PLA2G12A: variants seen among roughly 807,000 people sequenced by gnomAD.
The protein encoded by PLA2G12A is group XIIA secretory phospholipase A2.
Under a neutral mutation model 16.0 loss-of-function variants are expected in PLA2G12A, and 11 were observed. That is an observed-to-expected ratio of 0.69 (90% CI 0.43 to 1.13). PLA2G12A has a LOEUF of 1.13. Ranked by LOEUF, PLA2G12A falls within the 50% of genes most tolerant of loss-of-function variation. PLA2G12A has a pLI of 0.00. For synonymous variants in PLA2G12A, 77 were observed against 93.8 expected (o/e 0.82, Z 1.03); for missense variants, 214 against 237.3 (o/e 0.90, Z 0.65).
rs1205527744 is a variant in PLA2G12A, at chr4:109,713,955, CA to C, written c.*421del. On this transcript the variant is annotated 3_prime_UTR_variant, in exon 4 of 4. Coordinates refer to ENST00000243501, the MANE Select transcript of PLA2G12A (RefSeq NM_030821.5). ...TGTGTATTTAAAATTTCATAGTAAACAAATACTTGTAAGTGATAATTTCCCC... is the reference window on the plus strand; with the variant it reads ...TGTGTATTTAAAATTTCATAGTAAACAATACTTGTAAGTGATAATTTCCCC... 12 of 159,254 alleles carry C rather than the reference CA, an allele frequency of 7.5e-5. No individual in the cohort carries two copies. The highest frequency in any genetic ancestry group is 2.4e-4 in the Admixed American group (4 of 16,406). 9.9% of individuals were successfully genotyped at this position (159,254 alleles called of 1,614,324 possible).
intron 1 of PLA2G12A, among the ~76,000 whole-genome samples, chr4:109,726,694 G>C (rs1029138907): frequency 6.6e-6 from 1 of 152,138 alleles, no homozygotes; most frequent in African/African-American, 2.4e-5. Context: ...ATTTTTCAAA[G>C]GAAATCGAAA....
intron 1 of PLA2G12A, among the ~76,000 whole-genome samples, chr4:109,726,339 A>G (rs1326865762): frequency 1.3e-5 from 2 of 152,204 alleles, no homozygotes; most frequent in Admixed American, 6.5e-5. Context: ...GTTAATGGTA[A>G]TTCTGTCCTT....
intron 1 of PLA2G12A, among the ~76,000 whole-genome samples, chr4:109,727,200 T>A (rs578130754): frequency 1.3e-5 from 2 of 152,084 alleles, no homozygotes; most frequent in East Asian, 3.9e-4. Context: ...AACCTCCACC[T>A]CCCAGGTTCA....
intron 1 of PLA2G12A, among the ~76,000 whole-genome samples, chr4:109,720,633 A>ATG (rs1730921728): frequency 2.3e-5 from 3 of 130,404 alleles, no homozygotes; most frequent in African/African-American, 8.9e-5. Flanking sequence ...ATATATATAT[A>ATG]TATATATATA....
rs1041674033 is a variant in PLA2G12A, at chr4:109,718,536, T to G, written c.285+147A>C. On this transcript the variant is annotated intron_variant, in intron 2 of 3. Coordinates refer to ENST00000243501, the MANE Select transcript of PLA2G12A (RefSeq NM_030821.5). ...TTTACTTCATTTACTTTTGTTAGTT[T>G]TGCCAAAAAGAATCTAATAAACCTG... The G allele has an allele frequency of 8.4e-6, 5 of 598,742 alleles. No individual in the cohort carries two copies. The African/African-American group carries it at 9.7e-5, about 12-fold the overall frequency. 37.1% of individuals were successfully genotyped at this position (598,742 alleles called of 1,614,324 possible). A position where few individuals can be genotyped will look rare whatever the true frequency, so the allele number is the denominator to read the frequency against.
At chr4:109,727,822 A>G (rs1435272338) in intron 1 of PLA2G12A, among the ~76,000 whole-genome samples, 1 of 152,208 alleles carries the variant, frequency 6.6e-6, no homozygotes, top group Admixed American at 6.5e-5. Flanking sequence ...AAAAAATAAA[A>G]TAAAAAGACT....
In PLA2G12A at chr4:109,729,569, ACGAGCCCTCGCTGGGCC is replaced by A; in HGVS notation, c.208+16_208+32del. Reference sequence around the variant, plus strand: ...TCCGTCACCCCAATCCCCCGAAAGCACGAGCCCTCGCTGGGCCCGGGTGCCCCCTCACCGTCACTGCA... The same window carrying A: ...TCCGTCACCCCAATCCCCCGAAAGCACGGGTGCCCCCTCACCGTCACTGCA... On this transcript the variant is annotated intron_variant, in intron 1 of 3. Transcript: ENST00000243501. 6.3e-7 allele frequency: 1 copy of A among 1,593,934 alleles called. No individual in the cohort carries two copies. The highest frequency in any genetic ancestry group is 8.6e-7 in the Non-Finnish European group (1 of 1,166,536).
Position 109,729,811 on chromosome 4 carries a change from CGCGCAGCGCCGG to C in PLA2G12A, c.-14_-3del. ...CGCGGGGCGCGAGAGCAGGGCCATGCGCGCAGCGCCGGGCTCTACGGGTCCCCGAGCCGCGGC... is the reference window on the plus strand; with the variant it reads ...CGCGGGGCGCGAGAGCAGGGCCATGCGCTCTACGGGTCCCCGAGCCGCGGC... On this transcript the variant is annotated 5_prime_UTR_variant, in exon 1 of 4. Transcript: ENST00000243501. 6.5e-7 allele frequency: 1 copy of C among 1,548,760 alleles called. No homozygotes were observed. Among genetic ancestry groups the C allele is most frequent in the Non-Finnish European group, 8.7e-7 (1 of 1,146,676 alleles).
Position 109,713,242 on chromosome 4 carries a change from TC to T in PLA2G12A, c.*1134del, listed in dbSNP as rs879273712. 2 of 152,186 alleles carry T rather than the reference TC, an allele frequency of 1.3e-5. No homozygotes were observed. The highest frequency in any genetic ancestry group is 2.4e-5 in the African/African-American group (1 of 41,452). The allele number at this position is 152,186 out of a possible 1,614,324, so 9.4% of individuals were successfully genotyped here. A position where few individuals can be genotyped will look rare whatever the true frequency, so the allele number is the denominator to read the frequency against. ...CCGGTCTAGGAACATAACTGAGCATTCCAAGAGATTGAAAAGTTTTCAACAT... is the reference window on the plus strand; with the variant it reads ...CCGGTCTAGGAACATAACTGAGCATTCAAGAGATTGAAAAGTTTTCAACAT... On this transcript the variant is annotated 3_prime_UTR_variant, in exon 4 of 4. Transcript: ENST00000243501.
Position 109,713,098 on chromosome 4 carries a change from C to T in PLA2G12A, c.*1279G>A, listed in dbSNP as rs567107060. The T allele has an allele frequency of 1.3e-5, 2 of 152,296 alleles. No individual in the cohort carries two copies. Among genetic ancestry groups the T allele is most frequent in the East Asian group, 3.9e-4 (2 of 5,178 alleles). 9.4% of individuals were successfully genotyped at this position (152,296 alleles called of 1,614,324 possible). ...AAATAACCGCCTCTCCCTATGCTGT[C>T]CTTCTCTGACTTTGAAAGTCAGTTC... On this transcript the variant is annotated 3_prime_UTR_variant, in exon 4 of 4. Transcript: ENST00000243501.
intron 1 of PLA2G12A, 107 bp downstream of exon 1, chr4:109,729,495 G>A: frequency 8.1e-7 from 1 of 1,231,170 alleles, no homozygotes; most frequent in Non-Finnish European, 1.1e-6. Flanking sequence ...CACAGCCGAA[G>A]GACACCGTCA....
intron 1 of PLA2G12A, 98 bp downstream of exon 1, chr4:109,729,504 C>G: frequency 7.7e-7 from 1 of 1,304,414 alleles, no homozygotes; most frequent in South Asian, 1.4e-5. Flanking sequence ...AGGACACCGT[C>G]AAGGTCTGCC....
chr4:109,730,013 C>A lies in PLA2G12A; in HGVS notation c.-204G>T, dbSNP rs1723024591. On this transcript the variant is annotated 5_prime_UTR_variant, in exon 1 of 4. Transcript: ENST00000243501. ...GGCAGGCAGCGCCGTCGCGGGGACG[C>A]GCCCGCTCACCTGGACCAGCGCGCC... 1 of 518,948 alleles carries A rather than the reference C, an allele frequency of 1.9e-6. No homozygotes were observed. Among genetic ancestry groups the A allele is most frequent in the African/African-American group, 2.1e-5 (1 of 48,632 alleles). The allele number at this position is 518,948 out of a possible 1,614,324, so 32.1% of individuals were successfully genotyped here. A position where few individuals can be genotyped will look rare whatever the true frequency, so the allele number is the denominator to read the frequency against.
chr4:109,720,745 A>G (rs1452987641), intron 1 of PLA2G12A, among the ~76,000 whole-genome samples: 1 of 151,046 alleles, frequency 6.6e-6, no homozygotes, highest in Non-Finnish European at 1.5e-5. Context: ...CATAGCCTCA[A>G]GAGAGTAGTA....
At chr4:109,719,711 C>A (rs189403081) in intron 1 of PLA2G12A, among the ~76,000 whole-genome samples, 1 of 152,294 alleles carries the variant, frequency 6.6e-6, no homozygotes, top group East Asian at 1.9e-4. Flanking sequence ...GTTTTGTTTA[C>A]ACTATGCTGT....
At position 109,729,600 on chromosome 4, in the gene PLA2G12A, AC is replaced by A. The variant is rs1274729601; in HGVS notation, c.208+1del. 2.5e-6 allele frequency: 4 copies of A among 1,605,386 alleles called. No homozygotes were observed. In the Admixed American group the frequency reaches 6.7e-5, roughly 27 times the overall value. On this transcript the variant is annotated splice_donor_variant, in intron 1 of 3. Coordinates refer to ENST00000243501, the MANE Select transcript of PLA2G12A (RefSeq NM_030821.5). LOFTEE classifies it high-confidence loss of function. Reference sequence around the variant, plus strand: ...CCTCGCTGGGCCCGGGTGCCCCCTCACCGTCACTGCATTTATACTGGCAGAG... The same window carrying A: ...CCTCGCTGGGCCCGGGTGCCCCCTCACGTCACTGCATTTATACTGGCAGAG...
chr4:109,710,139 G>C lies in PLA2G12A; in HGVS notation c.*4238C>G, dbSNP rs536893969. Reference sequence around the variant, plus strand: ...AACTAAAAATGCTACTTCAAATATAGCAACAGTCACTACATAAGGCTTAAA... The same window carrying C: ...AACTAAAAATGCTACTTCAAATATACCAACAGTCACTACATAAGGCTTAAA... On this transcript the variant is annotated 3_prime_UTR_variant, in exon 4 of 4. Coordinates refer to ENST00000243501, the MANE Select transcript of PLA2G12A (RefSeq NM_030821.5). 2.6e-5 allele frequency: 4 copies of C among 152,252 alleles called. No homozygotes were observed. Among genetic ancestry groups the C allele is most frequent in the African/African-American group, 9.6e-5 (4 of 41,566 alleles). 9.4% of individuals were successfully genotyped at this position (152,252 alleles called of 1,614,324 possible).
rs778017200 is a variant in PLA2G12A at position 109,714,479 on chromosome 4, C to T, written c.468G>A (p.Val156=). The part of the protein sequence containing the change: ...TQHVQACETT[V]ELLFDSVIHL... ...GTATAACACTGTCAAACAAGAGCTC[C>T]ACTGTTGTTTCACATGCTGCAAAAC... Residue 156 remains valine (V), a synonymous_variant, in exon 4 of 4, where the codon GTG becomes GTA. Coordinates refer to ENST00000243501, the MANE Select transcript of PLA2G12A (RefSeq NM_030821.5). The T allele has an allele frequency of 7.4e-6, 12 of 1,612,616 alleles. No individual in the cohort carries two copies. Among genetic ancestry groups the T allele is most frequent in the Non-Finnish European group, 1.7e-6 (2 of 1,178,788 alleles).
At chr4:109,721,350 G>A (rs76417863) in intron 1 of PLA2G12A, among the ~76,000 whole-genome samples, 4 of 139,734 alleles carry the variant, frequency 2.9e-5, no homozygotes, top group Non-Finnish European at 4.6e-5. Flanking sequence ...ATGGAGTCTC[G>A]CTTTGCCTCC....
Sources: allele counts gnomAD v4.1 joint callset (sites outside exome capture counted in the v4.1 genomes callset), GRCh38; gene constraint gnomAD v4.1.1; transcripts MANE v1.5; gene names NCBI Gene and HGNC (gene_info 2026-07-23, HGNC 2026-07-21).